ERI1: variants seen among roughly 807,000 people sequenced by gnomAD.
The protein encoded by ERI1 is exoribonuclease 1.
Under a neutral mutation model 39.7 loss-of-function variants are expected in ERI1, and 39 were observed. The ratio of observed to expected loss-of-function variants is 0.98; its 90% CI spans 0.76 to 1.28. ERI1 has a LOEUF of 1.28. Among genes scored for constraint, ERI1 ranks in the 50% most tolerant of loss-of-function variants. ERI1 has a pLI of 0.00. For synonymous variants in ERI1, 204 were observed against 149.6 expected, an observed-to-expected ratio of 1.36 and a Z score of -2.65; for missense variants, 581 against 416.9, an observed-to-expected ratio of 1.39 and a Z score of -3.43.
chr8:9,059,439 G>C (rs1478800065), intron 3 of ERI1, among the ~76,000 whole-genome samples: 1 of 152,116 alleles, frequency 6.6e-6, no homozygotes, highest in Non-Finnish European at 1.5e-5. Flanking sequence ...CTTCGAGCAG[G>C]ATTAGGGGCA....
chr8:9,086,555 C>G (rs1286133114), intron 3 of ERI1, among the ~76,000 whole-genome samples: 1 of 152,130 alleles, frequency 6.6e-6, no homozygotes, highest in African/African-American at 2.4e-5. Context: ...CAAAACTAGG[C>G]AACCGACCAA....
chr8:9,078,970 A>G (rs1365262025), intron 3 of ERI1, among the ~76,000 whole-genome samples: 1 of 152,198 alleles, frequency 6.6e-6, no homozygotes, highest in Non-Finnish European at 1.5e-5. Context: ...AAAAAAATGT[A>G]AAGACTAACC....
chr8:9,089,631 G>A (rs1360588048), intron 3 of ERI1, among the ~76,000 whole-genome samples: 2 of 151,942 alleles, frequency 1.3e-5, no homozygotes, highest in African/African-American at 4.8e-5. Context: ...TCCACTCCTG[G>A]TCACCATCAA....
At chr8:9,051,888 T>C (rs1798367361) in intron 3 of ERI1, among the ~76,000 whole-genome samples, 1 of 152,234 alleles carries the variant, frequency 6.6e-6, no homozygotes, top group South Asian at 2.1e-4. Context: ...CTTCAGACTG[T>C]AGCTGCAGAG....
At chr8:9,041,543 T>C (rs1563351106) in intron 3 of ERI1, among the ~76,000 whole-genome samples, 1 of 152,162 alleles carries the variant, frequency 6.6e-6, no homozygotes, top group African/African-American at 2.4e-5. Flanking sequence ...CATTCAAAAC[T>C]AAACAAACAC....
chr8:9,027,615 T>C (rs1328089975), intron 6 of ERI1, among the ~76,000 whole-genome samples: 11 of 152,342 alleles, frequency 7.2e-5, no homozygotes, highest in African/African-American at 2.6e-4. Context: ...TTGAATGTCT[T>C]ACATTTAGGT....
intron 3 of ERI1, among the ~76,000 whole-genome samples, chr8:9,072,861 A>G (rs73520707): frequency 0.1 from 15,195 of 152,198 alleles, 1,959 homozygotes; most frequent in African/African-American, 0.3. Context: ...GTGAACTGCA[A>G]GTCTTGACTT....
chr8:9,062,234 G>A (rs1798723750), intron 3 of ERI1, among the ~76,000 whole-genome samples: 1 of 152,010 alleles, frequency 6.6e-6, no homozygotes, highest in Non-Finnish European at 1.5e-5. Flanking sequence ...ATTGTAAGGG[G>A]TGCATGATCA....
intron 6 of ERI1, among the ~76,000 whole-genome samples, chr8:9,022,874 C>T (rs953763238): frequency 2.0e-5 from 3 of 152,156 alleles, no homozygotes; most frequent in African/African-American, 7.2e-5. Context: ...CTTTCCTCTT[C>T]CTTATTATTT....
At chr8:9,091,941 A>G (rs183319951) in intron 3 of ERI1, among the ~76,000 whole-genome samples, 1 of 152,292 alleles carries the variant, frequency 6.6e-6, no homozygotes, top group East Asian at 1.9e-4. Context: ...ACTTACGCTG[A>G]AGTGTGTGCA....
intron 3 of ERI1, among the ~76,000 whole-genome samples, chr8:9,052,185 C>T (rs1196480152): frequency 1.3e-5 from 2 of 152,192 alleles, no homozygotes; most frequent in Non-Finnish European, 2.9e-5. Flanking sequence ...GGGGCTTATC[C>T]TCTATGGGAC....
chr8:9,095,924 G>C (rs748701760), intron 3 of ERI1, among the ~76,000 whole-genome samples: 1 of 152,266 alleles, frequency 6.6e-6, no homozygotes, highest in Middle Eastern at 3.4e-3. Context: ...TGTTTCGGGA[G>C]CCCTCGCCGC....
chr8:9,038,267 T>A (rs1379855626), downstream of ERI1, among the ~76,000 whole-genome samples: 1 of 152,192 alleles, frequency 6.6e-6, no homozygotes, highest in East Asian at 1.9e-4. Flanking sequence ...AATACAGTAG[T>A]CCCCTCTTAT....
intron 3 of ERI1, among the ~76,000 whole-genome samples, chr8:9,050,405 G>A (rs1476738458): frequency 6.6e-6 from 1 of 151,716 alleles, no homozygotes; most frequent in African/African-American, 2.4e-5. Flanking sequence ...TACTTGGGAG[G>A]TTGAGGCAGG....
At chr8:9,048,329 A>G (rs957093710) in intron 3 of ERI1, 1 of 154,412 alleles carries the variant, frequency 6.5e-6, no homozygotes, top group Admixed American at 6.5e-5. Context: ...TGAGAATTCA[A>G]TAATTCGAAT....
intron 3 of ERI1, among the ~76,000 whole-genome samples, chr8:9,013,934 G>C (rs1816952808): frequency 6.6e-6 from 1 of 152,112 alleles, no homozygotes; most frequent in South Asian, 2.1e-4. Flanking sequence ...TCATTTATGT[G>C]ACTTACTGCA....
intron 3 of ERI1, among the ~76,000 whole-genome samples, chr8:9,084,180 T>C (rs536051860): frequency 6.6e-6 from 1 of 152,268 alleles, no homozygotes; most frequent in South Asian, 2.1e-4. Context: ...GAGGATCACC[T>C]GAGCCTAGGA....
intron 3 of ERI1, among the ~76,000 whole-genome samples, chr8:9,069,147 G>T (rs552518999): frequency 6.6e-6 from 1 of 152,068 alleles, no homozygotes; most frequent in Non-Finnish European, 1.5e-5. Flanking sequence ...AGGACAAAAG[G>T]GTTGTGGGGT....
chr8:9,007,572 C>G (rs989611425), intron 1 of ERI1, among the ~76,000 whole-genome samples: 1 of 152,196 alleles, frequency 6.6e-6, no homozygotes, highest in Non-Finnish European at 1.5e-5. Context: ...TGCCCAAACA[C>G]TATTTACCAT....
Sources: gnomAD v4.1 joint callset for allele counts (sites outside exome capture counted in the v4.1 genomes callset) on GRCh38, gnomAD v4.1.1 for gene constraint, MANE v1.5 for transcripts, NCBI Gene and HGNC (gene_info 2026-07-23, HGNC 2026-07-21) for gene names.